The following CDC42BPA variants were observed in gnomAD, a reference collection of about 807,000 sequenced individuals.
CDC42BPA encodes CDC42 binding protein kinase alpha.
CDC42BPA carries 80 observed loss-of-function variants against 223.5 expected under a neutral mutation model. The observed-to-expected ratio is 0.36, with a 90% CI of 0.30 to 0.43. The LOEUF is 0.43. CDC42BPA is among the 20% of genes least tolerant of loss of function. The pLI is 1.00. For synonymous variants in CDC42BPA, 694 were observed against 718.6 expected, an observed-to-expected ratio of 0.97 and a Z score of 0.55; for missense variants, 1,743 against 2,099.9, an observed-to-expected ratio of 0.83 and a Z score of 3.32.
At position 226,994,180 on chromosome 1, in the gene CDC42BPA, C is replaced by T. The variant is rs772531780; in HGVS notation, c.*88G>A. 76 of 1,369,760 alleles carry T rather than the reference C, an allele frequency of 5.5e-5. No individual in the cohort carries two copies. Among genetic ancestry groups the T allele is most frequent in the Admixed American group, 5.3e-4 (24 of 45,428 alleles). 84.9% of individuals were successfully genotyped at this position (1,369,760 alleles called of 1,614,324 possible). A position where few individuals can be genotyped will look rare whatever the true frequency, so the allele number is the denominator to read the frequency against. ...TGCCAGCCCCTGGTGGCTTTCAGGC[C>T]GAGCAGGCGAGGTGGAGGGAAGAGA... is the stretch of plus-strand genomic sequence containing the variant. On this transcript the variant is annotated 3_prime_UTR_variant, in exon 37 of 37. Transcript: ENST00000366766. This position sits in a 1 kb window ranked among gnomAD's most constrained non-coding sequence, Gnocchi z 4.0.
chr1:227,184,059 A>G (rs1668372874), intron 5 of CDC42BPA, among the ~76,000 whole-genome samples: 1 of 151,896 alleles, frequency 6.6e-6, no homozygotes, highest in South Asian at 2.1e-4. Context: ...GGGCTTTTTA[A>G]TTGTATTTTG....
chr1:227,229,113 T>C (rs1461930439), intron 2 of CDC42BPA, among the ~76,000 whole-genome samples: 1 of 152,228 alleles, frequency 6.6e-6, no homozygotes, highest in Non-Finnish European at 1.5e-5. Context: ...CACAAAAATT[T>C]ACACCTATGT....
chr1:227,154,236 T>G (rs776752127), intron 6 of CDC42BPA, among the ~76,000 whole-genome samples: 1 of 151,904 alleles, frequency 6.6e-6, no homozygotes, highest in Non-Finnish European at 1.5e-5. Context: ...ACAAAAAAAC[T>G]CTGGTAATCA....
intron 16 of CDC42BPA, among the ~76,000 whole-genome samples, chr1:227,082,969 T>C (rs1008379130): frequency 6.6e-6 from 1 of 152,144 alleles, no homozygotes; most frequent in African/African-American, 2.4e-5. Flanking sequence ...TGGTTGCTTT[T>C]AGAATTTTAT....
chr1:227,067,392 G>T (rs1677307979), intron 21 of CDC42BPA, among the ~76,000 whole-genome samples: 1 of 152,052 alleles, frequency 6.6e-6, no homozygotes, highest in South Asian at 2.1e-4. Flanking sequence ...GACAGGAAAA[G>T]GGATGGAGAG....
intron 6 of CDC42BPA, among the ~76,000 whole-genome samples, chr1:227,149,120 G>A (rs76523900): frequency 0.017 from 2,560 of 152,164 alleles, 57 homozygotes; most frequent in African/African-American, 0.058. Context: ...TAAGAAAAAC[G>A]GTACATTATA....
At chr1:227,076,495 G>A (rs1679513128) in intron 17 of CDC42BPA, among the ~76,000 whole-genome samples, 1 of 152,054 alleles carries the variant, frequency 6.6e-6, no homozygotes, top group Non-Finnish European at 1.5e-5. Context: ...GACCTCAGGT[G>A]ATCCACCCGC....
intron 6 of CDC42BPA, among the ~76,000 whole-genome samples, chr1:227,149,987 G>T (rs1661421083): frequency 6.6e-6 from 1 of 152,178 alleles, no homozygotes; most frequent in African/African-American, 2.4e-5. Flanking sequence ...ACTTTGGGAA[G>T]CTGAGGCGGG....
chr1:227,028,803 T>A lies in CDC42BPA; in HGVS notation c.4286A>T (p.His1429Leu). 6.2e-7 allele frequency: 1 copy of A among 1,614,088 alleles called. No homozygotes were observed. Residue 1429 changes from histidine to leucine, a missense_variant, in exon 30 of 37, where the codon CAT becomes CTT. Physicochemically the swap from His to Leu is moderately conservative, Grantham distance 99. Around this residue, in one of 6 missense-constraint regions of CDC42BPA, gnomAD observed 678 missense variants for 777.5 expected, o/e 0.87. Transcript: ENST00000366766. Reference sequence around the variant, plus strand: ...TGCGCAGATAGCATCCATTGGTTGATGTGCAATAAATGATAGTGTATGGTC... The same window carrying A: ...TGCGCAGATAGCATCCATTGGTTGAAGTGCAATAAATGATAGTGTATGGTC... The part of the protein sequence containing the change: ...SNDHTLSFIA[H>L]QPMDAICAVE...
chr1:227,140,374 T>C (rs1231136700), intron 9 of CDC42BPA, among the ~76,000 whole-genome samples: 1 of 151,732 alleles, frequency 6.6e-6, no homozygotes, highest in Non-Finnish European at 1.5e-5. Context: ...GAGGAGGAAA[T>C]AAAAATTTAG....
At chr1:227,090,987 A>G (rs1444521183) in intron 16 of CDC42BPA, among the ~76,000 whole-genome samples, 1 of 152,330 alleles carries the variant, frequency 6.6e-6, no homozygotes, top group African/African-American at 2.4e-5. Flanking sequence ...TCAGTTCAAT[A>G]CATGATTCTG....
Position 227,177,300 on chromosome 1 carries a change from T to C in CDC42BPA, c.599+16486A>G, listed in dbSNP as rs111555135. Among the ~76,000 whole-genome samples, 838 of 152,288 alleles carry C rather than the reference T, an allele frequency of 5.5e-3. 8 individuals are homozygous for C. Among genetic ancestry groups the C allele is most frequent in the African/African-American group, 0.019 (795 of 41,564 alleles). ...GGAAGGCCTGAAGCAATGAATTCTTTTGGGTTACCTTTATCTGAAAATGTC... is the reference window on the plus strand; with the variant it reads ...GGAAGGCCTGAAGCAATGAATTCTTCTGGGTTACCTTTATCTGAAAATGTC... On this transcript the variant is annotated intron_variant, in intron 5 of 36. Transcript: ENST00000366766.
At position 226,997,730 on chromosome 1, in the gene CDC42BPA, G is replaced by A. The variant is rs564776317; in HGVS notation, c.4976-2750C>T. Among the ~76,000 whole-genome samples, 51 of 152,256 alleles carry A rather than the reference G, an allele frequency of 3.3e-4. 3 individuals carry two copies. The South Asian group carries it at 0.01, about 31-fold the overall frequency. On this transcript the variant is annotated intron_variant, in intron 35 of 36. Transcript: ENST00000366766. ...TTTACCCAGTAGTCATTCAAGAGCAGGTTGTTCAGTTTCCAAGTAGTTGTG... is the reference window on the plus strand; with the variant it reads ...TTTACCCAGTAGTCATTCAAGAGCAAGTTGTTCAGTTTCCAAGTAGTTGTG...
intron 1 of CDC42BPA, among the ~76,000 whole-genome samples, chr1:227,268,294 C>T (rs1012664869): frequency 6.6e-6 from 1 of 152,212 alleles, no homozygotes; most frequent in Non-Finnish European, 1.5e-5. Flanking sequence ...GGCACACAGA[C>T]GGTGCAGCTC....
intron 11 of CDC42BPA, among the ~76,000 whole-genome samples, chr1:227,126,218 C>T (rs1039924269): frequency 6.6e-6 from 1 of 152,266 alleles, no homozygotes; most frequent in Non-Finnish European, 1.5e-5. Context: ...GCCTGCACTC[C>T]CTGACCTCCA....
At chr1:227,191,415 A>C (rs1257264897) in intron 5 of CDC42BPA, among the ~76,000 whole-genome samples, 1 of 152,142 alleles carries the variant, frequency 6.6e-6, no homozygotes, top group Non-Finnish European at 1.5e-5. Flanking sequence ...GCTGCCCAAC[A>C]ATGGAATAAA....
At chr1:227,021,851 C>T (rs6674912) in intron 32 of CDC42BPA, among the ~76,000 whole-genome samples, 48,100 of 151,328 alleles carry the variant, frequency 0.32, 7,866 homozygotes, top group East Asian at 0.5. Context: ...AACCCCGTCT[C>T]TACTAAAAAT....
intron 12 of CDC42BPA, among the ~76,000 whole-genome samples, chr1:227,116,703 G>A (rs1687831376): frequency 6.6e-6 from 1 of 152,154 alleles, no homozygotes; most frequent in South Asian, 2.1e-4. Context: ...TTATGTTTTT[G>A]CAGCTGGTCC....
chr1:227,035,386 C>T (rs1433869496), intron 25 of CDC42BPA, 85 bp downstream of exon 25: 3 of 990,466 alleles, frequency 3.0e-6, no homozygotes, highest in Non-Finnish European at 4.5e-6. Flanking sequence ...CCATCAAGAA[C>T]TATCCTCTTA....
Sources: allele counts gnomAD v4.1 joint callset (sites outside exome capture counted in the v4.1 genomes callset), GRCh38; gene constraint gnomAD v4.1.1; regional missense constraint gnomAD v4.1.1; non-coding constraint Gnocchi (gnomAD v3.1); transcripts MANE v1.5; gene names NCBI Gene and HGNC (gene_info 2026-07-23, HGNC 2026-07-21).